Variants in HDAC9 observed in about 807,000 individuals in gnomAD.
HDAC9 encodes MEF-2 interacting transcription repressor (MITR) protein.
In HDAC9, 41 loss-of-function variants were observed where a neutral mutation model predicts 139.4. The ratio of observed to expected loss-of-function variants is 0.29; its 90% confidence interval spans 0.23 to 0.38. The LOEUF (loss-of-function observed/expected upper bound fraction) is 0.38. Among genes scored for constraint, HDAC9 ranks in the 10% least tolerant of loss-of-function variants. HDAC9 has a pLI of 1.00. For synonymous variants in HDAC9, 517 were observed against 476.2 expected (o/e 1.09, Z -1.12); for missense variants, 1,147 against 1,297.0 (o/e 0.88, Z 1.78).
intron 2 of HDAC9, among the ~76,000 whole-genome samples, chr7:18,181,991 G>A (rs1431622053): frequency 2.0e-5 from 3 of 152,158 alleles, no homozygotes; most frequent in African/African-American, 7.2e-5. Flanking sequence ...TATCCTTGAT[G>A]GATGTGTAAA....
At chr7:18,266,848 G>A (rs1796038502) in intron 2 of HDAC9, among the ~76,000 whole-genome samples, 1 of 152,048 alleles carries the variant, frequency 6.6e-6, no homozygotes, top group Non-Finnish European at 1.5e-5. Flanking sequence ...ATGCCCAAGA[G>A]CCCATGTGCC....
chr7:18,181,289 A>G (rs1789409240), intron 2 of HDAC9, among the ~76,000 whole-genome samples: 1 of 152,216 alleles, frequency 6.6e-6, no homozygotes, highest in Admixed American at 6.5e-5. Flanking sequence ...CATGCCTAAT[A>G]TGTGCCAGAC....
chr7:18,259,405 C>CA (rs1177027096), intron 2 of HDAC9, among the ~76,000 whole-genome samples: 1 of 152,178 alleles, frequency 6.6e-6, no homozygotes, highest in African/African-American at 2.4e-5. Context: ...CTCTTTCCCC[C>CA]AGGCTAGAGT....
intron 19 of HDAC9, among the ~76,000 whole-genome samples, chr7:18,830,254 A>G (rs112724092): frequency 6.6e-5 from 10 of 152,310 alleles, no homozygotes; most frequent in African/African-American, 1.4e-4. Context: ...CCAACCCAGG[A>G]AAGGGCGAAA....
At chr7:18,990,536 T>G (rs543686370) in intron 25 of HDAC9, among the ~76,000 whole-genome samples, 4 of 152,220 alleles carry the variant, frequency 2.6e-5, no homozygotes, top group Non-Finnish European at 4.4e-5. Flanking sequence ...GTGGAGCCTA[T>G]AGAGGCAGGC....
At chr7:18,975,423 C>T (rs567791240) in intron 24 of HDAC9, among the ~76,000 whole-genome samples, 21 of 152,300 alleles carry the variant, frequency 1.4e-4, no homozygotes, top group African/African-American at 4.8e-4. Flanking sequence ...TTTAACAGTA[C>T]GATTCCATTC....
intron 1 of HDAC9, among the ~76,000 whole-genome samples, chr7:18,434,250 T>C (rs182683035): frequency 4.9e-4 from 75 of 152,300 alleles, no homozygotes; most frequent in South Asian, 2.1e-4. Context: ...TTTCACCGTA[T>C]ACGAAAATCA....
intron 2 of HDAC9, among the ~76,000 whole-genome samples, chr7:18,243,503 T>C (rs186664010): frequency 1.0e-3 from 153 of 152,346 alleles, no homozygotes; most frequent in Middle Eastern, 6.8e-3. Context: ...ACAAATGTCA[T>C]AGAATGGCTG....
At chr7:18,674,443 C>A (rs181414156) in intron 12 of HDAC9, among the ~76,000 whole-genome samples, 20 of 152,166 alleles carry the variant, frequency 1.3e-4, no homozygotes, top group Non-Finnish European at 2.4e-4. Context: ...TCTGTGATTT[C>A]TCTAGCCCTT....
At chr7:18,391,638 A>T (rs1212996122) in intron 1 of HDAC9, among the ~76,000 whole-genome samples, 1 of 152,208 alleles carries the variant, frequency 6.6e-6, no homozygotes, top group Non-Finnish European at 1.5e-5. Flanking sequence ...AGAAATAATG[A>T]ACTATGTTGA....
At chr7:18,455,368 AT>A (rs929999924) in intron 1 of HDAC9, among the ~76,000 whole-genome samples, 2 of 151,958 alleles carry the variant, frequency 1.3e-5, no homozygotes, top group East Asian at 1.9e-4. Context: ...CCTTTTTCTC[AT>A]TTTTTTGTGT....
chr7:18,183,851 G>A (rs1789697721), intron 2 of HDAC9, among the ~76,000 whole-genome samples: 1 of 152,152 alleles, frequency 6.6e-6, no homozygotes, highest in Non-Finnish European at 1.5e-5. Context: ...ATCCTGGGCT[G>A]TTGAGTGTCT....
intron 2 of HDAC9, among the ~76,000 whole-genome samples, chr7:18,526,000 C>G (rs113875972): frequency 1.3e-5 from 2 of 152,120 alleles, no homozygotes; most frequent in African/African-American, 4.8e-5. Flanking sequence ...ATCTCTTTGC[C>G]TGCTACTCAA....
chr7:18,611,994 A>G (rs1837291748), intron 6 of HDAC9, among the ~76,000 whole-genome samples: 1 of 152,186 alleles, frequency 6.6e-6, no homozygotes, highest in South Asian at 2.1e-4. Context: ...TATGTTTGCC[A>G]TAAACAAACT....
chr7:18,409,653 G>C (rs755359113), intron 1 of HDAC9, among the ~76,000 whole-genome samples: 1 of 152,086 alleles, frequency 6.6e-6, no homozygotes, highest in Non-Finnish European at 1.5e-5. Context: ...TTAATAGATG[G>C]TATGTTTCCT....
chr7:18,261,840 C>T lies in HDAC9; in HGVS notation c.25+99491C>T, dbSNP rs551318210. On this transcript the variant is annotated intron_variant, in intron 2 of 12. Transcript: ENST00000417496. ...GGACACTTTAAAGATTTCGTGTGTG[C>T]ATTGTGGCTACTTGTCCTAAACATA... 5.3e-5 allele frequency among the ~76,000 whole-genome samples: 8 copies of T among 152,298 alleles called. No individual in the cohort carries two copies. In the East Asian group the frequency reaches 1.5e-3, roughly 29 times the overall value.
rs537379328 is a variant in HDAC9 at position 18,796,872 on chromosome 7, C to T, written c.2322+3420C>T. Among the ~76,000 whole-genome samples the T allele has an allele frequency of 3.6e-4, 55 of 152,234 alleles. No homozygotes were observed. In the South Asian group the frequency reaches 5.4e-3, roughly 15 times the overall value. On this transcript the variant is annotated intron_variant, in intron 17 of 25. Coordinates refer to ENST00000686413, the MANE Select transcript of HDAC9 (RefSeq NM_178425.4). Reference sequence around the variant, plus strand: ...AAGATTCACTTTGGTGTTCTTTTGACAATGCTACCATGTCTTCATAAAATA... The same window carrying T: ...AAGATTCACTTTGGTGTTCTTTTGATAATGCTACCATGTCTTCATAAAATA...
upstream of HDAC9, among the ~76,000 whole-genome samples, chr7:18,286,586 T>G (rs1733326189): frequency 6.6e-6 from 1 of 151,756 alleles, no homozygotes; most frequent in African/African-American, 2.4e-5. Context: ...AATCAGTTTT[T>G]ATAGGAATAA....
At chr7:18,270,049 C>T (rs1307391288) in intron 2 of HDAC9, among the ~76,000 whole-genome samples, 3 of 151,878 alleles carry the variant, frequency 2.0e-5, no homozygotes, top group African/African-American at 7.3e-5. Context: ...CAGTCATATC[C>T]CTGGCTTCTA....
Sources: gnomAD v4.1 joint callset for allele counts (sites outside exome capture counted in the v4.1 genomes callset) on GRCh38, gnomAD v4.1.1 for gene constraint, MANE v1.5 for transcripts, NCBI Gene and HGNC (gene_info 2026-07-23, HGNC 2026-07-21) for gene names.